The following DAZAP1 variants were observed in gnomAD, a reference collection of about 807,000 sequenced individuals.
DAZAP1 encodes the protein DAZ-associated protein 1.
DAZAP1 carries 6 observed loss-of-function variants against 60.1 expected under a neutral mutation model. The ratio of observed to expected loss-of-function variants is 0.10; its 90% CI spans 0.05 to 0.20. DAZAP1 has a LOEUF of 0.20. DAZAP1 is among the 10% of genes least tolerant of loss of function. The pLI is 1.00. For missense variants in DAZAP1, 366 were observed against 560.4 expected (o/e 0.65, Z 3.50); for synonymous variants, 235 against 215.9 (o/e 1.09, Z -0.78).
At chr19:1,430,475 G>T (rs1174425247) in intron 10 of DAZAP1, 113 bp downstream of exon 10, 1 of 1,014,680 alleles carries the variant, frequency 9.9e-7, no homozygotes, top group Non-Finnish European at 1.4e-6. Flanking sequence ...CACAGGTGGG[G>T]TGCCGGCTGG....
Position 1,425,155 on chromosome 19 carries a change from C to T in DAZAP1, c.464-723C>T, listed in dbSNP as rs1163932234. ...GCCTGTATCTTTGTGCATTGTTTCT[C>T]TACCTGTATAGAACATGCATAGATG... is the stretch of plus-strand genomic sequence containing the variant. On this transcript the variant is annotated intron_variant, in intron 6 of 11. Transcript: ENST00000233078. This position sits in a 1 kb window ranked among gnomAD's most constrained non-coding sequence, Gnocchi z 5.4. Among the ~76,000 whole-genome samples the T allele has an allele frequency of 6.6e-6, 1 of 152,216 alleles. No homozygotes were observed. Among genetic ancestry groups the T allele is most frequent in the Non-Finnish European group, 1.5e-5 (1 of 68,046 alleles).
intron 1 of DAZAP1, among the ~76,000 whole-genome samples, chr19:1,415,182 C>T (rs544210249): frequency 2.6e-5 from 4 of 152,050 alleles, no homozygotes; most frequent in East Asian, 1.9e-4. Context: ...AAATGAAGAC[C>T]GAAACTGGAC....
At chr19:1,421,083 C>G in intron 4 of DAZAP1, 65 bp from the exon 5 acceptor site, 1 of 1,486,938 alleles carries the variant, frequency 6.7e-7, no homozygotes, top group Non-Finnish European at 9.4e-7. Context: ...TTTATGTCCT[C>G]CGCAGCTCGC....
chr19:1,430,199 C>T (rs2144907790), intron 9 of DAZAP1, 23 bp from the exon 10 acceptor site: 1 of 1,579,614 alleles, frequency 6.3e-7, no homozygotes, highest in East Asian at 2.2e-5. Context: ...CTCTGTCCAT[C>T]ACCCCCGTAC....
At chr19:1,408,801 G>C (rs1336844432) in intron 1 of DAZAP1, among the ~76,000 whole-genome samples, 2 of 152,232 alleles carry the variant, frequency 1.3e-5, no homozygotes, top group African/African-American at 4.8e-5. Context: ...CCCAGGGCTC[G>C]GCGCCATTCT....
chr19:1,412,172 C>T (rs964429485), intron 1 of DAZAP1, among the ~76,000 whole-genome samples: 3 of 152,154 alleles, frequency 2.0e-5, no homozygotes, highest in Non-Finnish European at 4.4e-5. Flanking sequence ...CGGACCGCTC[C>T]TGTGTTCTGT....
chr19:1,430,815 G>A lies in DAZAP1; in HGVS notation c.871+453G>A, dbSNP rs558687226. On this transcript the variant is annotated intron_variant, in intron 10 of 11. Transcript: ENST00000233078. ...GGCTCACTGCAAGCTCCGCCTCCTG[G>A]GTTCACACCATTCTCCTGCCTCAGT... 1.3e-4 allele frequency among the ~76,000 whole-genome samples: 20 copies of A among 151,954 alleles called. No individual in the cohort carries two copies. In the East Asian group the frequency reaches 2.1e-3, roughly 16 times the overall value.
In DAZAP1 at chr19:1,425,696, C is replaced by T. The variant is rs1347345824; in HGVS notation, c.464-182C>T. Among the ~76,000 whole-genome samples, 1 of 152,242 alleles carries T rather than the reference C, an allele frequency of 6.6e-6. No individual in the cohort carries two copies. The highest frequency in any genetic ancestry group is 2.4e-5 in the African/African-American group (1 of 41,466). On this transcript the variant is annotated intron_variant, in intron 6 of 11. Coordinates refer to ENST00000233078, the MANE Select transcript of DAZAP1 (RefSeq NM_018959.4). The surrounding 1 kb of genome is among the most constrained non-coding windows in gnomAD (Gnocchi z 5.4). ...GTGCGGACGTCACCGTCTGTCCACT[C>T]CGTGTGCAGTCGAGTGGTGGCTCCT...
At position 1,432,809 on chromosome 19, in the gene DAZAP1, A is replaced by T. The variant is rs1023765828; in HGVS notation, c.1048+119A>T. On this transcript the variant is annotated intron_variant, in intron 11 of 11. Transcript: ENST00000233078. This position sits in a 1 kb window ranked among gnomAD's most constrained non-coding sequence, Gnocchi z 4.9. ...CAGCCTTTACCTGGTGGGAAAGGGG[A>T]GAGGGAGGAGAGGGGGGTGTGGGGG... The T allele has an allele frequency of 2.0e-5, 24 of 1,188,504 alleles. No homozygotes were observed. Among genetic ancestry groups the T allele is most frequent in the Non-Finnish European group, 2.7e-5 (23 of 849,490 alleles). 73.6% of individuals were successfully genotyped at this position (1,188,504 alleles called of 1,614,324 possible). A position where few individuals can be genotyped will look rare whatever the true frequency, so the allele number is the denominator to read the frequency against.
In DAZAP1 at chr19:1,435,584, C is replaced by G. The variant is rs760880287; in HGVS notation, c.*672C>G. On this transcript the variant is annotated 3_prime_UTR_variant, in exon 12 of 12. Transcript: ENST00000233078. ...GATCCCACGCAGCGCTGAACCGAAC[C>G]GAGTAGGAAGCCTTTCTCCCCAGGC... 2.0e-5 allele frequency: 3 copies of G among 152,272 alleles called. No homozygotes were observed. Among genetic ancestry groups the G allele is most frequent in the East Asian group, 1.9e-4 (1 of 5,200 alleles). 9.4% of individuals were successfully genotyped at this position (152,272 alleles called of 1,614,324 possible). A position where few individuals can be genotyped will look rare whatever the true frequency, so the allele number is the denominator to read the frequency against.
In DAZAP1 at chr19:1,428,915, G is replaced by T; in HGVS notation, c.620G>T (p.Gly207Val). ...GGACAGCCAGGTGCCAGCCAGTGGG[G>T]GAGCCGGGTTGTGCCCAACGCTGCC... ...APGQPGASQWGSRVVPNAANG... is the reference protein window; with the variant it reads ...APGQPGASQWVSRVVPNAANG... Residue 207 changes from glycine to valine, a missense_variant, in exon 8 of 12, where the codon GGG becomes GTG. By Grantham distance (109) the Gly-to-Val change is moderately radical. Coordinates refer to ENST00000233078, the MANE Select transcript of DAZAP1 (RefSeq NM_018959.4). This position sits in a 1 kb window ranked among gnomAD's most constrained non-coding sequence, Gnocchi z 4.0. 1 of 1,612,938 alleles carries T rather than the reference G, an allele frequency of 6.2e-7. No individual in the cohort carries two copies.
chr19:1,419,143 T>C (rs1190979442), intron 4 of DAZAP1, among the ~76,000 whole-genome samples: 1 of 152,196 alleles, frequency 6.6e-6, no homozygotes, highest in Non-Finnish European at 1.5e-5. Flanking sequence ...TCCCCTGACG[T>C]GGCAACTTGG....
In DAZAP1 at chr19:1,418,571, C is replaced by T. The variant is rs141465902; in HGVS notation, c.238-95C>T. ...ATGGAGCCGGCGGGGCGGGGCGGGC[C>T]GGGCTGCTGTGCCGTGGCTGCTGTT... On this transcript the variant is annotated intron_variant, in intron 3 of 11. Coordinates refer to ENST00000233078, the MANE Select transcript of DAZAP1 (RefSeq NM_018959.4). The surrounding 1 kb of genome is among the most constrained non-coding windows in gnomAD (Gnocchi z 5.7). 1.5e-3 allele frequency: 2,340 copies of T among 1,527,484 alleles called. 30 individuals carry two copies. The East Asian group carries it at 0.033, about 22-fold the overall frequency. The allele number at this position is 1,527,484 out of a possible 1,614,324, so 94.6% of individuals were successfully genotyped here.
rs937686491 is a variant in DAZAP1 at position 1,425,209 on chromosome 19, T to C, written c.464-669T>C. On this transcript the variant is annotated intron_variant, in intron 6 of 11. Transcript: ENST00000233078. This position sits in a 1 kb window ranked among gnomAD's most constrained non-coding sequence, Gnocchi z 5.4. ...ACGATATGACCTCTTCTAGGACTCC[T>C]TGGGCTTACCCAACGGTGTTGCGTA... Among the ~76,000 whole-genome samples the C allele has an allele frequency of 2.0e-5, 3 of 152,220 alleles. No homozygotes were observed. The highest frequency in any genetic ancestry group is 4.4e-5 in the Non-Finnish European group (3 of 68,032).
At position 1,432,129 on chromosome 19, in the gene DAZAP1, TG is replaced by T. The variant is rs1415878408; in HGVS notation, c.872-384del. The T allele has an allele frequency of 7.7e-6, 2 of 259,140 alleles. No homozygotes were observed. The highest frequency in any genetic ancestry group is 2.5e-4 in the East Asian group (2 of 7,944). The allele number at this position is 259,140 out of a possible 1,614,324, so 16.1% of individuals were successfully genotyped here. ...TTCCAAGCACGTCAGGATGCTCCCT[TG>T]CCTGTGCTGGCAGCTTCCTAAACAT... On this transcript the variant is annotated intron_variant, in intron 10 of 11. Coordinates refer to ENST00000233078, the MANE Select transcript of DAZAP1 (RefSeq NM_018959.4). The surrounding 1 kb of genome is among the most constrained non-coding windows in gnomAD (Gnocchi z 4.9).
At position 1,426,275 on chromosome 19, in the gene DAZAP1, C is replaced by T. The variant is rs1403470055; in HGVS notation, c.546+315C>T. On this transcript the variant is annotated intron_variant, in intron 7 of 11. Coordinates refer to ENST00000233078, the MANE Select transcript of DAZAP1 (RefSeq NM_018959.4). The surrounding 1 kb of genome is among the most constrained non-coding windows in gnomAD (Gnocchi z 5.4). Reference sequence around the variant, plus strand: ...GGGGCTGGCTCCAGTGAAACCGCAGCGTTGCCTCAGGCTTGGTTTCCACGA... The same window carrying T: ...GGGGCTGGCTCCAGTGAAACCGCAGTGTTGCCTCAGGCTTGGTTTCCACGA... 1.6e-5 allele frequency: 6 copies of T among 369,276 alleles called. No individual in the cohort carries two copies. The highest frequency in any genetic ancestry group is 6.1e-5 in the East Asian group (1 of 16,300). The allele number at this position is 369,276 out of a possible 1,614,324, so 22.9% of individuals were successfully genotyped here.
Position 1,422,322 on chromosome 19 carries a change from G to C in DAZAP1, c.415-26G>C, listed in dbSNP as rs186006138. The C allele has an allele frequency of 2.5e-6, 4 of 1,612,910 alleles. No homozygotes were observed. The Admixed American group carries it at 6.7e-5, about 27-fold the overall frequency. ...ACCTGTGGTGCTGGCCCTGGTGTCC[G>C]TGCTGACGCCACCCTCTCCTTCCAG... On this transcript the variant is annotated intron_variant, in intron 5 of 11. Coordinates refer to ENST00000233078, the MANE Select transcript of DAZAP1 (RefSeq NM_018959.4). This position sits in a 1 kb window ranked among gnomAD's most constrained non-coding sequence, Gnocchi z 4.5.
chr19:1,425,083 C>T lies in DAZAP1; in HGVS notation c.464-795C>T, dbSNP rs1006294078. Among the ~76,000 whole-genome samples, 2 of 152,240 alleles carry T rather than the reference C, an allele frequency of 1.3e-5. No individual in the cohort carries two copies. The highest frequency in any genetic ancestry group is 2.4e-5 in the African/African-American group (1 of 41,456). The stretch of plus-strand genomic sequence containing the variant: ...TCTGTTTTGATCCCATGGTGCATCT[C>T]GCTCTTGCTGCTGGCAGCAGAGTCT... On this transcript the variant is annotated intron_variant, in intron 6 of 11. Coordinates refer to ENST00000233078, the MANE Select transcript of DAZAP1 (RefSeq NM_018959.4). This position sits in a 1 kb window ranked among gnomAD's most constrained non-coding sequence, Gnocchi z 5.4.
At position 1,430,835 on chromosome 19, in the gene DAZAP1, C is replaced by A. The variant is rs370570108; in HGVS notation, c.871+473C>A. 1.7e-3 allele frequency among the ~76,000 whole-genome samples: 263 copies of A among 151,822 alleles called. 3 individuals are homozygous for A. Among genetic ancestry groups the A allele is most frequent in the African/African-American group, 5.8e-3 (242 of 41,396 alleles). On this transcript the variant is annotated intron_variant, in intron 10 of 11. Transcript: ENST00000233078. ...TCCTGGGTTCACACCATTCTCCTGC[C>A]TCAGTCTCCCGAGTAGCTGGGACTA... is the stretch of plus-strand genomic sequence containing the variant.
Sources: gnomAD v4.1 joint callset for allele counts (sites outside exome capture counted in the v4.1 genomes callset) on GRCh38, gnomAD v4.1.1 for gene constraint, Gnocchi (gnomAD v3.1) non-coding constraint, MANE v1.5 for transcripts, NCBI Gene and HGNC (gene_info 2026-07-23, HGNC 2026-07-21) for gene names.